The following GMPS variants were observed in gnomAD, a reference collection of about 807,000 sequenced individuals.
The protein encoded by GMPS is guanosine monophosphate synthase.
In GMPS, 15 loss-of-function variants were observed where a neutral mutation model predicts 77.9. The observed-to-expected ratio is 0.19, with a 90% CI of 0.13 to 0.30. GMPS has a LOEUF of 0.30. Ranked by LOEUF, GMPS falls within the 10% of genes least tolerant of loss-of-function variation. The pLI, the probability that GMPS is intolerant of heterozygous loss-of-function variation, is 1.00. For missense variants in GMPS, 590 were observed against 838.8 expected, an observed-to-expected ratio of 0.70 and a Z score of 3.66; for synonymous variants, 224 against 275.9, an observed-to-expected ratio of 0.81 and a Z score of 1.86.
chr3:155,923,357 A>T (rs1755367009), intron 11 of GMPS, among the ~76,000 whole-genome samples: 1 of 152,162 alleles, frequency 6.6e-6, no homozygotes, highest in African/African-American at 2.4e-5. Flanking sequence ...AAGTGCTAAC[A>T]TATGTCCAGA....
At chr3:155,927,693 T>TA (rs35140614) in intron 12 of GMPS, among the ~76,000 whole-genome samples, 2 of 152,074 alleles carry the variant, frequency 1.3e-5, no homozygotes, top group African/African-American at 2.4e-5. Flanking sequence ...GAAAATACAT[T>TA]AAAAAAAATT....
At chr3:155,885,010 A>G (rs1393999370) in intron 1 of GMPS, among the ~76,000 whole-genome samples, 1 of 152,254 alleles carries the variant, frequency 6.6e-6, no homozygotes, top group Admixed American at 6.5e-5. Context: ...TTAGCAAAAG[A>G]AGATGAAGCT....
Position 155,910,674 on chromosome 3 carries a change from A to T in GMPS, c.527-18A>T. On this transcript the variant is annotated intron_variant, in intron 5 of 15. Transcript: ENST00000496455. Reference sequence around the variant, plus strand: ...CAGCATGAAAAAATTTTAATTTGTGACTATTTTCTCTATAAAGGCATAGCA... The same window carrying T: ...CAGCATGAAAAAATTTTAATTTGTGTCTATTTTCTCTATAAAGGCATAGCA... The T allele has an allele frequency of 7.4e-7, 1 of 1,357,608 alleles. No homozygotes were observed. The highest frequency in any genetic ancestry group is 9.9e-7 in the Non-Finnish European group (1 of 1,008,390). 84.1% of individuals were successfully genotyped at this position (1,357,608 alleles called of 1,614,324 possible).
intron 3 of GMPS, among the ~76,000 whole-genome samples, chr3:155,903,579 T>C (rs1359929119): frequency 1.3e-5 from 2 of 152,232 alleles, no homozygotes; most frequent in East Asian, 3.8e-4. Flanking sequence ...TTTAAGCAGA[T>C]GAATTCATTA....
At position 155,936,607 on chromosome 3, in the gene GMPS, T is replaced by C. The variant is rs1039881005; in HGVS notation, c.1980+97T>C. The C allele has an allele frequency of 1.5e-5, 11 of 723,642 alleles. No individual in the cohort carries two copies. The African/African-American group carries it at 1.8e-4, about 12-fold the overall frequency. 44.8% of individuals were successfully genotyped at this position (723,642 alleles called of 1,614,324 possible). On this transcript the variant is annotated intron_variant, in intron 15 of 15. Transcript: ENST00000496455. ...GGCTATGCCAGTGCTGTATTTCTTA[T>C]GTTGGTTTTCTGTTCATAAGATAGG...
rs550763007 is a variant in GMPS, at chr3:155,937,290, A to G, written c.1981-301A>G. ...GATGCCACAGCAATGTCAAATCGCTATATGTTCTTAAGCACTTGTGGCTCA... is the reference window on the plus strand; with the variant it reads ...GATGCCACAGCAATGTCAAATCGCTGTATGTTCTTAAGCACTTGTGGCTCA... On this transcript the variant is annotated intron_variant, in intron 15 of 15. Transcript: ENST00000496455. Among the ~76,000 whole-genome samples the G allele has an allele frequency of 1.6e-4, 25 of 152,336 alleles. 1 individual carries two copies. Among genetic ancestry groups the G allele is most frequent in the Non-Finnish European group, 1.2e-4 (8 of 68,036 alleles).
chr3:155,878,582 T>C (rs1202566665), intron 1 of GMPS, among the ~76,000 whole-genome samples: 2 of 152,218 alleles, frequency 1.3e-5, no homozygotes, highest in Non-Finnish European at 2.9e-5. Context: ...CAGACTGTTT[T>C]CCAAAGCAGC....
intron 5 of GMPS, among the ~76,000 whole-genome samples, chr3:155,908,429 C>T (rs1754950758): frequency 6.6e-6 from 1 of 152,198 alleles, no homozygotes; most frequent in African/African-American, 2.4e-5. Context: ...TCCATTCCCC[C>T]TTACCCTTCA....
chr3:155,877,336 A>G (rs1007645690), intron 1 of GMPS, among the ~76,000 whole-genome samples: 2 of 152,146 alleles, frequency 1.3e-5, no homozygotes, highest in African/African-American at 4.8e-5. Context: ...GGATTCTACC[A>G]TTTACTTTTC....
intron 1 of GMPS, among the ~76,000 whole-genome samples, chr3:155,873,651 T>TTTTTTTTTTTTTTC (rs1753956160): frequency 7.0e-6 from 1 of 142,112 alleles, no homozygotes; most frequent in Non-Finnish European, 1.5e-5. Context: ...TTTTTTTTTT[T>TTTTTTTTTTTTTTC]TGAGATGGAG....
intron 12 of GMPS, among the ~76,000 whole-genome samples, chr3:155,930,555 C>A (rs1225700909): frequency 6.6e-6 from 1 of 151,854 alleles, no homozygotes; most frequent in Non-Finnish European, 1.5e-5. Context: ...AAAGAAACTA[C>A]CATCAGAGTG....
chr3:155,871,002 C>G, intron 1 of GMPS, 105 bp downstream of exon 1: 11 of 1,084,840 alleles, frequency 1.0e-5, no homozygotes, highest in Non-Finnish European at 1.3e-5. Context: ...CCCAGCCCGT[C>G]CGCGCAGCCC....
chr3:155,893,951 C>T (rs962211824), intron 2 of GMPS, among the ~76,000 whole-genome samples: 1 of 152,130 alleles, frequency 6.6e-6, no homozygotes, highest in Non-Finnish European at 1.5e-5. Flanking sequence ...ATTTGTGGGT[C>T]AGAGTTAGAT....
At chr3:155,907,783 G>A (rs1016143665) in intron 5 of GMPS, among the ~76,000 whole-genome samples, 1 of 152,164 alleles carries the variant, frequency 6.6e-6, no homozygotes, top group Non-Finnish European at 1.5e-5. Context: ...TTCAGGGAAG[G>A]CATTCCTATA....
At chr3:155,906,587 C>A (rs1455361122) in intron 5 of GMPS, among the ~76,000 whole-genome samples, 1 of 152,172 alleles carries the variant, frequency 6.6e-6, no homozygotes, top group Non-Finnish European at 1.5e-5. Context: ...TGTCTTCATA[C>A]TATACTATAT....
At chr3:155,883,571 G>GA (rs1273794106) in intron 1 of GMPS, among the ~76,000 whole-genome samples, 1 of 152,116 alleles carries the variant, frequency 6.6e-6, no homozygotes, top group Non-Finnish European at 1.5e-5. Flanking sequence ...ATAGTATGGG[G>GA]AGACAAACTG....
chr3:155,878,839 C>CTT (rs1186565695), intron 1 of GMPS, among the ~76,000 whole-genome samples: 2 of 150,928 alleles, frequency 1.3e-5, no homozygotes, highest in African/African-American at 2.4e-5. Flanking sequence ...ACCTGAGAAT[C>CTT]GGGAGTCCAT....
chr3:155,899,717 T>C (rs1475021415), intron 3 of GMPS, among the ~76,000 whole-genome samples: 1 of 152,252 alleles, frequency 6.6e-6, no homozygotes, highest in Non-Finnish European at 1.5e-5. Context: ...TGTAGTATTA[T>C]ACATTTTCGA....
At chr3:155,876,018 T>G (rs1754042724) in intron 1 of GMPS, among the ~76,000 whole-genome samples, 1 of 152,158 alleles carries the variant, frequency 6.6e-6, no homozygotes. Context: ...AAATAAAATA[T>G]TACATACAAA....
Sources: allele counts gnomAD v4.1 joint callset (sites outside exome capture counted in the v4.1 genomes callset), GRCh38; gene constraint gnomAD v4.1.1; transcripts MANE v1.5; gene names NCBI Gene and HGNC (gene_info 2026-07-23, HGNC 2026-07-21).